Variants in PRXL2A observed in about 807,000 individuals in gnomAD.
PRXL2A encodes the protein peroxiredoxin like 2A, also known as peroxiredoxin-like 2A.
Under a neutral mutation model 25.6 loss-of-function variants are expected in PRXL2A, and 26 were observed. The observed-to-expected ratio is 1.02, with a 90% CI of 0.74 to 1.41. PRXL2A has a LOEUF of 1.41. PRXL2A is among the 40% of genes most tolerant of loss of function. The pLI, the probability that PRXL2A is intolerant of heterozygous loss-of-function variation, is 0.00. For synonymous variants in PRXL2A, 98 were observed against 102.9 expected (o/e 0.95, Z 0.29); for missense variants, 246 against 273.9 (o/e 0.90, Z 0.72).
chr10:80,425,536 A>T (rs946356789), intron 3 of PRXL2A, among the ~76,000 whole-genome samples: 2 of 152,204 alleles, frequency 1.3e-5, no homozygotes, highest in African/African-American at 4.8e-5. Flanking sequence ...TAGAACGGGG[A>T]TACCTTTCCA....
chr10:80,412,655 C>T (rs1281442644), intron 1 of PRXL2A, among the ~76,000 whole-genome samples: 1 of 152,120 alleles, frequency 6.6e-6, no homozygotes, highest in African/African-American at 2.4e-5. Flanking sequence ...GTTGTCAGGG[C>T]TTTCAGGAAA....
At position 80,427,475 on chromosome 10, in the gene PRXL2A, C is replaced by G. The variant is rs150904688; in HGVS notation, c.555C>G (p.Phe185Leu). Residue 185 changes from phenylalanine (F) to leucine (L), a missense_variant, in exon 5 of 6, where the codon TTC becomes TTG. Phe to Leu is a conservative substitution (Grantham distance 22, BLOSUM62 0). Coordinates refer to ENST00000606162, the MANE Select transcript of PRXL2A (RefSeq NM_032333.5). Reference sequence around the variant, plus strand: ...AAGGCTTCATCCTTGGGGGAGTTTTCGTGGTGGGATCAGGAAAGCAGGTGA... The same window carrying G: ...AAGGCTTCATCCTTGGGGGAGTTTTGGTGGTGGGATCAGGAAAGCAGGTGA... ...EGEGFILGGV[F>L]VVGSGKQGIL... 3 of 1,613,900 alleles carry G rather than the reference C, an allele frequency of 1.9e-6. No individual in the cohort carries two copies. Among genetic ancestry groups the G allele is most frequent in the Non-Finnish European group, 2.5e-6 (3 of 1,179,988 alleles).
intron 5 of PRXL2A, among the ~76,000 whole-genome samples, chr10:80,430,708 G>A (rs1564696137): frequency 6.6e-6 from 1 of 152,250 alleles, no homozygotes. Context: ...GAACATAGAA[G>A]GTGGGGAAAA....
intron 5 of PRXL2A, among the ~76,000 whole-genome samples, chr10:80,429,586 T>TATC (rs1845170776): frequency 3.0e-5 from 2 of 67,702 alleles, no homozygotes; most frequent in Non-Finnish European, 5.7e-5. Context: ...GCCCCTAGCC[T>TATC]CTCCTGCCCT....
intron 1 of PRXL2A, among the ~76,000 whole-genome samples, chr10:80,416,646 G>T (rs1308116003): frequency 6.6e-6 from 1 of 152,132 alleles, no homozygotes; most frequent in East Asian, 1.9e-4. Flanking sequence ...GGGTCTTGGC[G>T]GGGGGCCCAG....
intron 4 of PRXL2A, among the ~76,000 whole-genome samples, chr10:80,426,563 C>G (rs1845049738): frequency 6.6e-6 from 1 of 152,186 alleles, no homozygotes; most frequent in South Asian, 2.1e-4. Flanking sequence ...TTACTTAAGT[C>G]TTTCCTGCCA....
chr10:80,409,906 T>TC (rs1844420515), intron 1 of PRXL2A, among the ~76,000 whole-genome samples: 1 of 152,252 alleles, frequency 6.6e-6, no homozygotes, highest in African/African-American at 2.4e-5. Flanking sequence ...TGTCCAGGTT[T>TC]ATACAGCTTG....
rs548652115 is a variant in PRXL2A, at chr10:80,420,316, G to A, written c.-2-150G>A. 7 of 1,401,768 alleles carry A rather than the reference G, an allele frequency of 5.0e-6. No homozygotes were observed. The East Asian group carries it at 1.3e-4, about 26-fold the overall frequency. 86.8% of individuals were successfully genotyped at this position (1,401,768 alleles called of 1,614,324 possible). Reference sequence around the variant, plus strand: ...TTCTGGTGGCAGCAGGTGCTTAGCAGCCCTTGTCCAGTCTCGCCTGTGACA... The same window carrying A: ...TTCTGGTGGCAGCAGGTGCTTAGCAACCCTTGTCCAGTCTCGCCTGTGACA... On this transcript the variant is annotated intron_variant, in intron 1 of 5. Coordinates refer to ENST00000606162, the MANE Select transcript of PRXL2A (RefSeq NM_032333.5).
Position 80,426,013 on chromosome 10 carries a change from G to A in PRXL2A, c.411+7G>A, listed in dbSNP as rs1312187110. The A allele has an allele frequency of 6.2e-7, 1 of 1,614,048 alleles. No homozygotes were observed. Among genetic ancestry groups the A allele is most frequent in the African/African-American group, 1.3e-5 (1 of 74,944 alleles). ...AATCTTCCTGGATGAAAAGGTGTGT[G>A]TGATGGGAGGCTTTTAGACACAGAC... On this transcript the variant is annotated splice_region_variant and intron_variant, in intron 4 of 5. Transcript: ENST00000606162.
intron 5 of PRXL2A, among the ~76,000 whole-genome samples, chr10:80,431,141 G>A (rs1026120106): frequency 1.3e-5 from 2 of 152,002 alleles, no homozygotes; most frequent in Non-Finnish European, 2.9e-5. Context: ...CAAGTGATCC[G>A]CCCACCTCAG....
chr10:80,430,885 G>A (rs762329004), intron 5 of PRXL2A, among the ~76,000 whole-genome samples: 1 of 151,928 alleles, frequency 6.6e-6, no homozygotes, highest in African/African-American at 2.4e-5. Context: ...TTTTTTGTTC[G>A]TGTTTTTGTT....
chr10:80,421,703 T>TA (rs1375741761), intron 2 of PRXL2A, among the ~76,000 whole-genome samples: 1 of 151,704 alleles, frequency 6.6e-6, no homozygotes, highest in Non-Finnish European at 1.5e-5. Context: ...CTCTGGGAAA[T>TA]ACTAAAATAA....
intron 1 of PRXL2A, among the ~76,000 whole-genome samples, chr10:80,418,956 G>A (rs1173417777): frequency 6.6e-6 from 1 of 152,062 alleles, no homozygotes; most frequent in Non-Finnish European, 1.5e-5. Flanking sequence ...AGCCTCCTCT[G>A]CAGATGCCAT....
intron 1 of PRXL2A, 106 bp from the exon 2 acceptor site, chr10:80,420,360 G>A: frequency 6.7e-7 from 1 of 1,496,728 alleles, no homozygotes; most frequent in Admixed American, 2.2e-5. Flanking sequence ...CCCTTCCCCT[G>A]TCCTGACCTC....
At position 80,432,591 on chromosome 10, in the gene PRXL2A, A is replaced by C. The variant is rs1007083088; in HGVS notation, c.*492A>C. On this transcript the variant is annotated 3_prime_UTR_variant, in exon 6 of 6. Coordinates refer to ENST00000606162, the MANE Select transcript of PRXL2A (RefSeq NM_032333.5). ...GGGAGGTGGAGGTTGCGGTGAGCTGAGATCACACCACTGTATTCCAGCCTG... is the reference window on the plus strand; with the variant it reads ...GGGAGGTGGAGGTTGCGGTGAGCTGCGATCACACCACTGTATTCCAGCCTG... The C allele has an allele frequency of 2.0e-5, 3 of 151,126 alleles. No individual in the cohort carries two copies. Among genetic ancestry groups the C allele is most frequent in the Non-Finnish European group, 4.4e-5 (3 of 68,174 alleles). The allele number at this position is 151,126 out of a possible 1,614,324, so 9.4% of individuals were successfully genotyped here.
rs1177247655 is a variant in PRXL2A, at chr10:80,432,013, G to T, written c.604G>T (p.Glu202Ter). ...QGILLEHREK[E>*]FGDKVNLLSV... Reference sequence around the variant, plus strand: ...CATTCTTCTTGAGCACCGAGAAAAAGAATTTGGAGACAAAGTAAACCTACT... The same window carrying T: ...CATTCTTCTTGAGCACCGAGAAAAATAATTTGGAGACAAAGTAAACCTACT... The change falls in exon 6 of 6, where the codon GAA becomes TAA. Residue 202 changes from glutamate to a stop codon, truncating the protein, a stop_gained. Transcript: ENST00000606162. LOFTEE classifies it high-confidence loss of function. 1 of 1,611,636 alleles carries T rather than the reference G, an allele frequency of 6.2e-7. No individual in the cohort carries two copies. Among genetic ancestry groups the T allele is most frequent in the Non-Finnish European group, 8.5e-7 (1 of 1,179,264 alleles).
intron 2 of PRXL2A, 100 bp from the exon 3 acceptor site, chr10:80,422,317 G>A (rs1246200047): frequency 2.7e-5 from 23 of 855,120 alleles, no homozygotes; most frequent in South Asian, 1.2e-4. Flanking sequence ...CTACTAGGCC[G>A]GGTCTCTGAC....
intron 3 of PRXL2A, among the ~76,000 whole-genome samples, chr10:80,422,893 C>G (rs538084139): frequency 2.0e-5 from 3 of 152,164 alleles, no homozygotes; most frequent in African/African-American, 7.2e-5. Context: ...CAGTCCCTCC[C>G]TGTGATGAAG....
At chr10:80,410,697 CAG>C (rs1844451754) in intron 1 of PRXL2A, among the ~76,000 whole-genome samples, 1 of 152,224 alleles carries the variant, frequency 6.6e-6, no homozygotes. Context: ...AAATAACTCT[CAG>C]AGTCAAAGAG....
Sources: allele counts gnomAD v4.1 joint callset (sites outside exome capture counted in the v4.1 genomes callset), GRCh38; gene constraint gnomAD v4.1.1; transcripts MANE v1.5; gene names NCBI Gene and HGNC (gene_info 2026-07-23, HGNC 2026-07-21).